PTPRG: variants seen among roughly 807,000 people sequenced by gnomAD.
PTPRG encodes receptor-type tyrosine-protein phosphatase gamma.
In PTPRG, 102 loss-of-function variants were observed where a neutral mutation model predicts 165.3. The ratio of observed to expected loss-of-function variants is 0.62; its 90% confidence interval spans 0.53 to 0.73. The LOEUF is 0.73. Among genes scored for constraint, PTPRG ranks in the 30% least tolerant of loss-of-function variants. PTPRG has a pLI of 0.00. For missense variants in PTPRG, 1,866 were observed against 1,861.4 expected (o/e 1.00, Z -0.05); for synonymous variants, 675 against 669.5 (o/e 1.01, Z -0.13).
At chr3:61,938,721 G>A (rs1026638113) in intron 2 of PTPRG, among the ~76,000 whole-genome samples, 24 of 152,104 alleles carry the variant, frequency 1.6e-4, no homozygotes, top group East Asian at 9.6e-4. Context: ...CTTACGCTAC[G>A]TTATAAACTG....
At chr3:61,739,723 T>G (rs1490927597) in intron 1 of PTPRG, among the ~76,000 whole-genome samples, 1 of 152,336 alleles carries the variant, frequency 6.6e-6, no homozygotes, top group East Asian at 1.9e-4. Flanking sequence ...TTGACTTGAT[T>G]TAGTAAATAA....
At chr3:61,869,951 A>G (rs902282884) in intron 2 of PTPRG, among the ~76,000 whole-genome samples, 2 of 151,452 alleles carry the variant, frequency 1.3e-5, no homozygotes, top group African/African-American at 4.9e-5. Context: ...TTGTGATTCG[A>G]CTCTCATCCT....
At chr3:62,002,270 C>A (rs1224335142) in intron 3 of PTPRG, among the ~76,000 whole-genome samples, 1 of 152,152 alleles carries the variant, frequency 6.6e-6, no homozygotes, top group East Asian at 1.9e-4. Flanking sequence ...GGATTTCTCG[C>A]TAAAGCTCTA....
intron 1 of PTPRG, among the ~76,000 whole-genome samples, chr3:61,694,889 T>A (rs753561512): frequency 6.6e-6 from 1 of 152,180 alleles, no homozygotes; most frequent in Non-Finnish European, 1.5e-5. Flanking sequence ...ACCCTCACTC[T>A]CTCTCATTCA....
intron 12 of PTPRG, among the ~76,000 whole-genome samples, chr3:62,205,394 G>A (rs1477833695): frequency 1.3e-5 from 2 of 152,224 alleles, no homozygotes; most frequent in Admixed American, 6.5e-5. Flanking sequence ...CACCAGGCTA[G>A]GCTTTGGCAG....
chr3:61,564,436 C>T (rs1364086740), intron 1 of PTPRG, among the ~76,000 whole-genome samples: 2 of 152,136 alleles, frequency 1.3e-5, no homozygotes, highest in African/African-American at 2.4e-5. Flanking sequence ...AATGGGACTG[C>T]CAGGGAACCA....
chr3:61,816,403 G>T (rs2035763861), intron 2 of PTPRG, among the ~76,000 whole-genome samples: 1 of 152,098 alleles, frequency 6.6e-6, no homozygotes, highest in Admixed American at 6.5e-5. Context: ...ATGGTGGTGG[G>T]GGCCCGTAAT....
chr3:61,959,951 T>A (rs972983678), intron 2 of PTPRG, among the ~76,000 whole-genome samples: 20 of 152,276 alleles, frequency 1.3e-4, no homozygotes, highest in African/African-American at 4.6e-4. Flanking sequence ...CATCGTTGTC[T>A]TCTCCTCTGC....
At chr3:61,917,127 C>T (rs1259801451) in intron 2 of PTPRG, among the ~76,000 whole-genome samples, 2 of 151,980 alleles carry the variant, frequency 1.3e-5, no homozygotes, top group African/African-American at 2.4e-5. Flanking sequence ...TTTTTGCGTC[C>T]CCTGCAGCTG....
chr3:62,250,365 A>G (rs1701384850), intron 15 of PTPRG, among the ~76,000 whole-genome samples: 1 of 152,190 alleles, frequency 6.6e-6, no homozygotes, highest in Non-Finnish European at 1.5e-5. Context: ...ACAGATACTC[A>G]GTTTTACTGA....
At chr3:62,104,164 C>T (rs1325409089) in intron 5 of PTPRG, among the ~76,000 whole-genome samples, 1 of 152,160 alleles carries the variant, frequency 6.6e-6, no homozygotes, top group Admixed American at 6.5e-5. Flanking sequence ...TGATTTGGAA[C>T]CTTCTAGGGA....
In PTPRG at chr3:62,222,308, G is replaced by C. The variant is rs1249003050; in HGVS notation, c.2288+3325G>C. Among the ~76,000 whole-genome samples the C allele has an allele frequency of 2.0e-5, 3 of 152,218 alleles. No homozygotes were observed. The highest frequency in any genetic ancestry group is 4.4e-5 in the Non-Finnish European group (3 of 68,046). On this transcript the variant is annotated intron_variant, in intron 13 of 29. Coordinates refer to ENST00000474889, the MANE Select transcript of PTPRG (RefSeq NM_002841.4). This position sits in a 1 kb window ranked among gnomAD's most constrained non-coding sequence, Gnocchi z 4.5. ...AGGACTTGGCTGGTTTGGTCTGTCT[G>C]TGTTTCTCTTGCCGTCAGTTTCTGG... is the stretch of plus-strand genomic sequence containing the variant.
At chr3:62,287,455 T>C (rs1025197480) in intron 28 of PTPRG, among the ~76,000 whole-genome samples, 6 of 152,112 alleles carry the variant, frequency 3.9e-5, no homozygotes, top group African/African-American at 9.7e-5. Context: ...AGAACATTTA[T>C]TATGAAATAG....
At chr3:62,272,483 C>T (rs533436944) in intron 21 of PTPRG, among the ~76,000 whole-genome samples, 1 of 152,102 alleles carries the variant, frequency 6.6e-6, no homozygotes, top group Non-Finnish European at 1.5e-5. Context: ...TACTCAAATA[C>T]ATGTCGCTTG....
chr3:61,595,238 C>T (rs4447759), intron 1 of PTPRG, among the ~76,000 whole-genome samples: 135,759 of 151,440 alleles, frequency 0.9, 60,917 homozygotes, highest in South Asian at 0.97. Context: ...TGTCTGTGTT[C>T]GCTGGTGAAC....
chr3:62,126,479 C>T (rs1371565520), intron 5 of PTPRG, among the ~76,000 whole-genome samples: 1 of 152,152 alleles, frequency 6.6e-6, no homozygotes, highest in Non-Finnish European at 1.5e-5. Context: ...GTTTTGTTTT[C>T]ATATTAATCC....
chr3:61,799,222 C>A (rs2035158918), intron 2 of PTPRG, among the ~76,000 whole-genome samples: 1 of 151,884 alleles, frequency 6.6e-6, no homozygotes, highest in Non-Finnish European at 1.5e-5. Context: ...CTATTGTTAA[C>A]CATTTACATT....
intron 2 of PTPRG, among the ~76,000 whole-genome samples, chr3:61,852,662 G>A (rs2036996160): frequency 6.6e-6 from 1 of 152,126 alleles, no homozygotes; most frequent in Non-Finnish European, 1.5e-5. Flanking sequence ...AGATAGAATT[G>A]GAGACTCTGT....
chr3:62,062,415 G>A (rs538095481), intron 4 of PTPRG, among the ~76,000 whole-genome samples: 6 of 152,290 alleles, frequency 3.9e-5, no homozygotes, highest in Middle Eastern at 3.4e-3. Context: ...GGTGTTCACA[G>A]CAAAATTCTT....
Sources: gnomAD v4.1 joint callset for allele counts (sites outside exome capture counted in the v4.1 genomes callset) on GRCh38, gnomAD v4.1.1 for gene constraint, Gnocchi (gnomAD v3.1) non-coding constraint, MANE v1.5 for transcripts, NCBI Gene and HGNC (gene_info 2026-07-23, HGNC 2026-07-21) for gene names.